GRIA4: variants seen among roughly 807,000 people sequenced by gnomAD.
GRIA4 encodes the protein glutamate receptor 4.
GRIA4 carries 34 observed loss-of-function variants against 104.0 expected under a neutral mutation model. The observed-to-expected ratio is 0.33, with a 90% confidence interval of 0.25 to 0.44. The LOEUF is 0.44. Among genes scored for constraint, GRIA4 ranks in the 20% least tolerant of loss-of-function variants. GRIA4 has a pLI of 1.00. For synonymous variants in GRIA4, 386 were observed against 381.9 expected (o/e 1.01, Z -0.13); for missense variants, 750 against 1,096.5 (o/e 0.68, Z 4.46).
chr11:105,677,720 A>G (rs2135456189), intron 3 of GRIA4, among the ~76,000 whole-genome samples: 1 of 152,110 alleles, frequency 6.6e-6, no homozygotes, highest in African/African-American at 2.4e-5. Flanking sequence ...CAGTCTACAC[A>G]GAAGATAATA....
At chr11:105,627,425 A>G (rs1272436927) in intron 3 of GRIA4, among the ~76,000 whole-genome samples, 1 of 152,160 alleles carries the variant, frequency 6.6e-6, no homozygotes, top group Non-Finnish European at 1.5e-5. Context: ...CACAGAAGAC[A>G]GCAAGAATTA....
At chr11:105,955,281 C>A (rs10895885) in intron 14 of GRIA4, among the ~76,000 whole-genome samples, 42,257 of 151,706 alleles carry the variant, frequency 0.28, 5,894 homozygotes, top group Non-Finnish European at 0.3. Context: ...CACCCCCAAC[C>A]CTCCAACAGG....
chr11:105,690,441 C>T (rs1381165984), intron 3 of GRIA4, among the ~76,000 whole-genome samples: 1 of 152,170 alleles, frequency 6.6e-6, no homozygotes. Context: ...TATGGCTTAA[C>T]ATTTTAATTA....
intron 10 of GRIA4, among the ~76,000 whole-genome samples, chr11:105,916,141 A>G (rs539939446): frequency 1.3e-5 from 2 of 152,138 alleles, no homozygotes; most frequent in Non-Finnish European, 2.9e-5. Context: ...CCGAGATCGC[A>G]CTACTACACT....
intron 9 of GRIA4, among the ~76,000 whole-genome samples, chr11:105,909,467 T>C (rs1239973082): frequency 6.6e-6 from 1 of 152,176 alleles, no homozygotes; most frequent in Non-Finnish European, 1.5e-5. Context: ...CTTGGTGTCA[T>C]ATAGACCTGA....
Position 105,889,244 on chromosome 11 carries a change from A to G in GRIA4, c.726+1672A>G, listed in dbSNP as rs1946380940. 4.6e-5 allele frequency among the ~76,000 whole-genome samples: 7 copies of G among 152,174 alleles called. No homozygotes were observed. The South Asian group carries it at 1.4e-3, about 31-fold the overall frequency. ...AGGATATCGTAAACAGCCCTAGGAGATGGCAGTGTATTTAAGTTATCTAGC... is the reference window on the plus strand; with the variant it reads ...AGGATATCGTAAACAGCCCTAGGAGGTGGCAGTGTATTTAAGTTATCTAGC... On this transcript the variant is annotated intron_variant, in intron 6 of 16. Coordinates refer to ENST00000282499, the MANE Select transcript of GRIA4 (RefSeq NM_000829.4).
chr11:105,862,189 T>A lies in GRIA4; in HGVS notation c.653T>A (p.Leu218His). The change falls in exon 5 of 17, where the codon CTT becomes CAT. Residue 218 changes from leucine (L) to histidine (H), a missense_variant. By Grantham distance (99) the Leu-to-His change is moderately conservative. Around this residue, in one of 3 missense-constraint regions of GRIA4, gnomAD observed 410 missense variants for 502.7 expected, o/e 0.82. Coordinates refer to ENST00000282499, the MANE Select transcript of GRIA4 (RefSeq NM_000829.4). ...GTAATAGACTGTGAGATAGAGAGACTTCAAAACATATTAGAACAGGTAAGT... is the reference window on the plus strand; with the variant it reads ...GTAATAGACTGTGAGATAGAGAGACATCAAAACATATTAGAACAGGTAAGT... ...KFVIDCEIER[L>H]QNILEQIVSV... 1 of 1,589,264 alleles carries A rather than the reference T, an allele frequency of 6.3e-7. No individual in the cohort carries two copies. The highest frequency in any genetic ancestry group is 8.6e-7 in the Non-Finnish European group (1 of 1,157,620).
intron 14 of GRIA4, among the ~76,000 whole-genome samples, chr11:105,966,818 A>C (rs1197027475): frequency 6.6e-6 from 1 of 152,314 alleles, no homozygotes; most frequent in Non-Finnish European, 1.5e-5. Context: ...TAAAGAAAAC[A>C]GTTCATGGAT....
At chr11:105,714,904 T>G (rs1263260787) in intron 3 of GRIA4, among the ~76,000 whole-genome samples, 1 of 152,086 alleles carries the variant, frequency 6.6e-6, no homozygotes, top group South Asian at 2.1e-4. Flanking sequence ...GGTTCACTAA[T>G]GTCCACAAAA....
intron 4 of GRIA4, among the ~76,000 whole-genome samples, chr11:105,809,924 G>A (rs1185915977): frequency 6.6e-6 from 1 of 151,770 alleles, no homozygotes; most frequent in Non-Finnish European, 1.5e-5. Flanking sequence ...AAGCCTTTGG[G>A]AGCCACCATT....
chr11:105,688,144 CTATATCTATATCTCTATCTA>C (rs1290402700), intron 3 of GRIA4, among the ~76,000 whole-genome samples: 6 of 60,374 alleles, frequency 9.9e-5, no homozygotes, highest in African/African-American at 3.1e-4. Context: ...ATATCTATAT[CTATATCTATATCTCTATCTA>C]TCTATCTATC....
chr11:105,888,954 A>G (rs1946370505), intron 6 of GRIA4, among the ~76,000 whole-genome samples: 1 of 152,130 alleles, frequency 6.6e-6, no homozygotes, highest in South Asian at 2.1e-4. Flanking sequence ...AAAATTTAAG[A>G]CAAATATATT....
At chr11:105,731,267 T>A (rs894042082) in intron 3 of GRIA4, among the ~76,000 whole-genome samples, 2 of 151,960 alleles carry the variant, frequency 1.3e-5, no homozygotes, top group African/African-American at 4.8e-5. Context: ...CCAACAAACA[T>A]ATGCAAAAAG....
intron 3 of GRIA4, among the ~76,000 whole-genome samples, chr11:105,626,376 T>C (rs1203314977): frequency 6.6e-6 from 1 of 152,106 alleles, no homozygotes; most frequent in Non-Finnish European, 1.5e-5. Context: ...AAACAAACTA[T>C]AAAGTATATT....
At chr11:105,958,344 G>C (rs1476983369) in intron 14 of GRIA4, among the ~76,000 whole-genome samples, 1 of 152,158 alleles carries the variant, frequency 6.6e-6, no homozygotes, top group Non-Finnish European at 1.5e-5. Flanking sequence ...TTTGGTCAAA[G>C]GCCTTTTCTG....
intron 4 of GRIA4, among the ~76,000 whole-genome samples, chr11:105,779,965 C>A (rs891416565): frequency 6.6e-6 from 1 of 152,044 alleles, no homozygotes; most frequent in Non-Finnish European, 1.5e-5. Context: ...ATCACACTGA[C>A]TAGAGGAATT....
intron 7 of GRIA4, among the ~76,000 whole-genome samples, chr11:105,898,835 G>A (rs78667705): frequency 0.084 from 12,709 of 150,708 alleles, 592 homozygotes; most frequent in African/African-American, 0.1. Flanking sequence ...TTCTGCAAAA[G>A]TTCTTTCAAA....
intron 3 of GRIA4, among the ~76,000 whole-genome samples, chr11:105,730,156 T>C (rs1324905504): frequency 6.6e-6 from 1 of 152,210 alleles, no homozygotes; most frequent in South Asian, 2.1e-4. Context: ...AAAATCTCCT[T>C]AAGCTGATAA....
chr11:105,694,727 T>C (rs1953208527), intron 3 of GRIA4, among the ~76,000 whole-genome samples: 1 of 152,118 alleles, frequency 6.6e-6, no homozygotes, highest in South Asian at 2.1e-4. Flanking sequence ...ATAAATGTTT[T>C]TTAGAATGTT....
Sources: allele counts gnomAD v4.1 joint callset (sites outside exome capture counted in the v4.1 genomes callset), GRCh38; gene constraint gnomAD v4.1.1; regional missense constraint gnomAD v4.1.1; transcripts MANE v1.5; gene names NCBI Gene and HGNC (gene_info 2026-07-23, HGNC 2026-07-21).